Variants in SGCZ observed in about 807,000 individuals in gnomAD.
SGCZ encodes the protein sarcoglycan zeta.
SGCZ carries 40 observed loss-of-function variants against 41.3 expected under a neutral mutation model. The observed-to-expected ratio is 0.97, with a 90% CI of 0.75 to 1.26. The LOEUF (loss-of-function observed/expected upper bound fraction) is 1.26, where lower values mean the gene tolerates loss of function less well. SGCZ is among the 50% of genes most tolerant of loss of function. The pLI is 0.00. For missense variants in SGCZ, 552 were observed against 369.8 expected, an observed-to-expected ratio of 1.49 and a Z score of -4.04; for synonymous variants, 206 against 137.5, an observed-to-expected ratio of 1.50 and a Z score of -3.49.
chr8:14,775,660 G>A (rs796366391), intron 1 of SGCZ, among the ~76,000 whole-genome samples: 1 of 152,152 alleles, frequency 6.6e-6, no homozygotes, highest in African/African-American at 2.4e-5. Flanking sequence ...GTTACATAGA[G>A]AAGTAAGTGT....
intron 4 of SGCZ, among the ~76,000 whole-genome samples, chr8:14,212,706 GGAAGA>G (rs1309987926): frequency 1.3e-5 from 2 of 152,008 alleles, no homozygotes; most frequent in Non-Finnish European, 1.5e-5. Context: ...ATCACAACTT[GGAAGA>G]GAAAAGACAA....
chr8:14,942,560 T>C (rs963778979), intron 1 of SGCZ, among the ~76,000 whole-genome samples: 2 of 152,168 alleles, frequency 1.3e-5, no homozygotes, highest in Admixed American at 6.6e-5. Flanking sequence ...CTCCAAATAT[T>C]TGAATATATC....
At chr8:14,154,870 A>G (rs1301165741) in intron 5 of SGCZ, among the ~76,000 whole-genome samples, 1 of 152,118 alleles carries the variant, frequency 6.6e-6, no homozygotes. Flanking sequence ...GACAACTATG[A>G]TCAGCTTCCA....
intron 3 of SGCZ, among the ~76,000 whole-genome samples, chr8:14,252,250 C>T (rs766986817): frequency 5.3e-5 from 8 of 151,982 alleles, no homozygotes; most frequent in Non-Finnish European, 8.8e-5. Context: ...AGCTATGTTA[C>T]TCAGCTCTTA....
chr8:14,408,480 T>C (rs2117268714), intron 2 of SGCZ, among the ~76,000 whole-genome samples: 1 of 152,236 alleles, frequency 6.6e-6, no homozygotes, highest in Non-Finnish European at 1.5e-5. Flanking sequence ...TGCCCTCCAT[T>C]TACCCAGGTG....
intron 1 of SGCZ, among the ~76,000 whole-genome samples, chr8:14,716,632 A>G (rs909227396): frequency 6.6e-6 from 1 of 152,122 alleles, no homozygotes; most frequent in African/African-American, 2.4e-5. Context: ...AAAAATTAAA[A>G]CCAAACCCAT....
intron 1 of SGCZ, among the ~76,000 whole-genome samples, chr8:14,853,203 C>T (rs559042132): frequency 2.0e-5 from 3 of 152,172 alleles, no homozygotes; most frequent in African/African-American, 7.2e-5. Context: ...GTTATTTTCT[C>T]TTTATGGTAT....
At chr8:14,517,787 G>C (rs948891815) in intron 2 of SGCZ, among the ~76,000 whole-genome samples, 5 of 151,448 alleles carry the variant, frequency 3.3e-5, no homozygotes, top group African/African-American at 1.2e-4. Flanking sequence ...TATAATTTTT[G>C]ATAGCTTTTT....
intron 1 of SGCZ, among the ~76,000 whole-genome samples, chr8:15,021,883 G>A (rs7846057): frequency 3.3e-5 from 5 of 152,288 alleles, no homozygotes; most frequent in Middle Eastern, 6.8e-3. Context: ...CTAATTCTTA[G>A]AATTACTGAA....
At chr8:14,828,848 T>C (rs933204042) in intron 1 of SGCZ, among the ~76,000 whole-genome samples, 4 of 152,178 alleles carry the variant, frequency 2.6e-5, no homozygotes, top group African/African-American at 9.7e-5. Context: ...ACCATAACAA[T>C]GCTTCCACTC....
chr8:15,219,008 C>T (rs1160807098), intron 1 of SGCZ, among the ~76,000 whole-genome samples: 1 of 152,132 alleles, frequency 6.6e-6, no homozygotes, highest in Non-Finnish European at 1.5e-5. Flanking sequence ...AGATTACATT[C>T]GTTTTCTCCT....
chr8:15,169,219 T>A (rs1365675766), intron 1 of SGCZ, among the ~76,000 whole-genome samples: 7 of 152,102 alleles, frequency 4.6e-5, no homozygotes, highest in Admixed American at 4.6e-4. Flanking sequence ...TTCGCCCTTA[T>A]CCCTAATCTA....
intron 1 of SGCZ, among the ~76,000 whole-genome samples, chr8:15,235,590 G>T (rs973930349): frequency 6.6e-6 from 1 of 152,114 alleles, no homozygotes; most frequent in Admixed American, 6.6e-5. Context: ...ATCTGTGCAG[G>T]AGTAGTGACA....
intron 3 of SGCZ, among the ~76,000 whole-genome samples, chr8:14,317,040 C>T (rs1347948968): frequency 6.6e-6 from 1 of 152,018 alleles, no homozygotes; most frequent in Non-Finnish European, 1.5e-5. Context: ...TACATTTACT[C>T]TTCCTCTTAA....
intron 5 of SGCZ, 117 bp downstream of exon 5, chr8:14,164,463 G>T: frequency 8.0e-7 from 1 of 1,244,268 alleles, no homozygotes; most frequent in Non-Finnish European, 1.1e-6. Flanking sequence ...CAAACGTTGT[G>T]ATTATGTAAG....
At chr8:14,110,409 T>G (rs9643911) in intron 5 of SGCZ, among the ~76,000 whole-genome samples, 51,996 of 151,952 alleles carry the variant, frequency 0.34, 11,334 homozygotes, top group Non-Finnish European at 0.49. Flanking sequence ...ACAAACTCTA[T>G]CAGTGAAAAT....
intron 7 of SGCZ, among the ~76,000 whole-genome samples, chr8:14,101,622 AT>A (rs1802024000): frequency 1.0e-5 from 1 of 96,676 alleles, no homozygotes; most frequent in African/African-American, 2.7e-5. Context: ...TAGAAGAAAA[AT>A]ACTAATGTAT....
At chr8:14,708,449 C>A (rs893806958) in intron 1 of SGCZ, among the ~76,000 whole-genome samples, 1 of 149,116 alleles carries the variant, frequency 6.7e-6, no homozygotes, top group African/African-American at 2.5e-5. Flanking sequence ...TTTTTTTAAT[C>A]ATTTGGATAT....
intron 2 of SGCZ, among the ~76,000 whole-genome samples, chr8:14,357,276 G>A (rs1381572698): frequency 6.6e-6 from 1 of 152,110 alleles, no homozygotes. Flanking sequence ...TATTTCAGTA[G>A]TAGCTTCATT....
Sources: allele counts gnomAD v4.1 joint callset (sites outside exome capture counted in the v4.1 genomes callset), GRCh38; gene constraint gnomAD v4.1.1; transcripts MANE v1.5; gene names NCBI Gene and HGNC (gene_info 2026-07-23, HGNC 2026-07-21).